Variants in UGT1A8 observed in about 807,000 individuals in gnomAD.
UGT1A8 encodes the protein UDP glucuronosyltransferase family 1 member A8, also known as UDP-glucuronosyltransferase 1A8.
UGT1A8 carries 39 observed loss-of-function variants against 45.3 expected under a neutral mutation model. The ratio of observed to expected loss-of-function variants is 0.86; its 90% CI spans 0.67 to 1.12. UGT1A8 has a LOEUF of 1.12. Among genes scored for constraint, UGT1A8 ranks in the 50% most tolerant of loss-of-function variants. UGT1A8 has a pLI of 0.00. For missense variants in UGT1A8, 719 were observed against 664.9 expected, an observed-to-expected ratio of 1.08 and a Z score of -0.90; for synonymous variants, 275 against 249.2, an observed-to-expected ratio of 1.10 and a Z score of -0.97.
chr2:233,671,786 G>T, intron 1 of UGT1A8: 2 of 1,405,174 alleles, frequency 1.4e-6, no homozygotes, highest in East Asian at 2.5e-5. Context: ...GTTCTTTTGG[G>T]TAAATCATTG....
intron 1 of UGT1A8, among the ~76,000 whole-genome samples, chr2:233,722,841 G>GTT (rs1454578940): frequency 8.8e-6 from 1 of 113,218 alleles, no homozygotes. Context: ...TAATAAGAAT[G>GTT]TTTCTTTTTT....
At chr2:233,667,269 C>G (rs1393513311) in intron 1 of UGT1A8, among the ~76,000 whole-genome samples, 1 of 152,086 alleles carries the variant, frequency 6.6e-6, no homozygotes, top group African/African-American at 2.4e-5. Flanking sequence ...CCCACAAAAA[C>G]AAGAAATGGG....
At position 233,682,800 on chromosome 2, in the gene UGT1A8, AT is replaced by A. The variant is rs111931772; in HGVS notation, c.855+64239del. 5 of 1,609,792 alleles carry A rather than the reference AT, an allele frequency of 3.1e-6. No individual in the cohort carries two copies. The African/African-American group carries it at 4.0e-5, about 13-fold the overall frequency. On this transcript the variant is annotated intron_variant, in intron 1 of 4. Transcript: ENST00000373450. The stretch of plus-strand genomic sequence containing the variant: ...GGAAAGCCAGTGCCTATGGTAAGTT[AT>A]CTCCCCTTTAGCACATTAAGAATAA...
At chr2:233,764,755 C>T (rs1698636396) in intron 1 of UGT1A8, among the ~76,000 whole-genome samples, 1 of 152,062 alleles carries the variant, frequency 6.6e-6, no homozygotes, top group Non-Finnish European at 1.5e-5. Context: ...TGGTGCAGAC[C>T]CTAGGGAGGA....
At chr2:233,688,337 A>G (rs2074888498) in intron 1 of UGT1A8, among the ~76,000 whole-genome samples, 1 of 152,112 alleles carries the variant, frequency 6.6e-6, no homozygotes, top group African/African-American at 2.4e-5. Context: ...GTTGTTTCCC[A>G]TTTTCAGCCA....
intron 4 of UGT1A8, among the ~76,000 whole-genome samples, chr2:233,771,925 G>A (rs1269829032): frequency 6.6e-6 from 1 of 151,860 alleles, no homozygotes; most frequent in Non-Finnish European, 1.5e-5. Flanking sequence ...ACACAGCCTG[G>A]GCAACACAAT....
chr2:233,667,601 C>A (rs1432875823), intron 1 of UGT1A8, among the ~76,000 whole-genome samples: 1 of 152,138 alleles, frequency 6.6e-6, no homozygotes, highest in Non-Finnish European at 1.5e-5. Context: ...AGGCAACTTA[C>A]AGAATGGGAG....
At chr2:233,724,404 G>T (rs1202271642) in intron 1 of UGT1A8, among the ~76,000 whole-genome samples, 1 of 140,424 alleles carries the variant, frequency 7.1e-6, no homozygotes, top group Admixed American at 7.0e-5. Context: ...CTTCCCAGAT[G>T]GGGTGGCTGC....
chr2:233,626,332 T>G (rs1318657813), intron 1 of UGT1A8, among the ~76,000 whole-genome samples: 1 of 152,008 alleles, frequency 6.6e-6, no homozygotes, highest in Admixed American at 6.6e-5. Flanking sequence ...CACTGCTTCT[T>G]CTACATCTTC....
At chr2:233,726,859 C>T (rs1181297447) in intron 1 of UGT1A8, among the ~76,000 whole-genome samples, 2 of 152,200 alleles carry the variant, frequency 1.3e-5, no homozygotes, top group Non-Finnish European at 2.9e-5. Flanking sequence ...TCTCCATAGT[C>T]TTCTATTCTC....
intron 1 of UGT1A8, among the ~76,000 whole-genome samples, chr2:233,710,303 A>G (rs2076125007): frequency 6.6e-6 from 1 of 152,210 alleles, no homozygotes; most frequent in Non-Finnish European, 1.5e-5. Context: ...GTTGGGTTGC[A>G]TGGTAGGTGT....
intron 1 of UGT1A8, among the ~76,000 whole-genome samples, chr2:233,744,802 A>T (rs1263878691): frequency 6.6e-6 from 1 of 151,904 alleles, no homozygotes; most frequent in Non-Finnish European, 1.5e-5. Context: ...GGGGATCCCT[A>T]GGATTTCCTG....
In UGT1A8 at chr2:233,739,739, C is replaced by T. The variant is rs186719753; in HGVS notation, c.856-27295C>T. 9.1e-3 allele frequency among the ~76,000 whole-genome samples: 1,388 copies of T among 152,094 alleles called. 31 individuals carry two copies. Among genetic ancestry groups the T allele is most frequent in the African/African-American group, 0.032 (1,304 of 41,394 alleles). ...GGACTTGACTTGTCTCAGATGAGAC[C>T]TTGGACTATGGACTTTTGAGCTAGT... On this transcript the variant is annotated intron_variant, in intron 1 of 4. Coordinates refer to ENST00000373450, the MANE Select transcript of UGT1A8 (RefSeq NM_019076.5).
At chr2:233,700,356 T>C (rs998443446) in intron 1 of UGT1A8, among the ~76,000 whole-genome samples, 8 of 152,234 alleles carry the variant, frequency 5.3e-5, no homozygotes, top group African/African-American at 1.7e-4. Context: ...CTTATCTTTA[T>C]GGCTGATTAT....
At chr2:233,705,534 G>A (rs2075855831) in intron 1 of UGT1A8, among the ~76,000 whole-genome samples, 1 of 152,186 alleles carries the variant, frequency 6.6e-6, no homozygotes, top group Non-Finnish European at 1.5e-5. Context: ...ACCTTCAGCT[G>A]TGAAGAGCAG....
chr2:233,632,410 A>AG (rs2073206169), intron 1 of UGT1A8, among the ~76,000 whole-genome samples: 1 of 152,168 alleles, frequency 6.6e-6, no homozygotes, highest in Non-Finnish European at 1.5e-5. Flanking sequence ...CATTCAATCT[A>AG]TAAATTACCT....
chr2:233,691,197 G>A, intron 1 of UGT1A8: 1 of 985,648 alleles, frequency 1.0e-6, no homozygotes. Context: ...GTGGACCTGA[G>A]CTCTGTTCCC....
intron 1 of UGT1A8, among the ~76,000 whole-genome samples, chr2:233,673,643 CT>C (rs1404768359): frequency 6.6e-6 from 1 of 152,098 alleles, no homozygotes; most frequent in East Asian, 1.9e-4. Context: ...AAATTTTTCA[CT>C]ATATAAGCAT....
intron 1 of UGT1A8, chr2:233,743,255 C>T: frequency 2.3e-6 from 1 of 438,832 alleles, no homozygotes; most frequent in Middle Eastern, 3.5e-4. Flanking sequence ...CTCAACTCTC[C>T]ATCTTCCTCC....
Sources: gnomAD v4.1 joint callset for allele counts (sites outside exome capture counted in the v4.1 genomes callset) on GRCh38, gnomAD v4.1.1 for gene constraint, MANE v1.5 for transcripts, NCBI Gene and HGNC (gene_info 2026-07-23, HGNC 2026-07-21) for gene names.